Variants in STARD13 observed in about 807,000 individuals in gnomAD.
STARD13 encodes stAR-related lipid transfer protein 13.
STARD13 carries 62 observed loss-of-function variants against 106.4 expected under a neutral mutation model. The ratio of observed to expected loss-of-function variants is 0.58; its 90% CI spans 0.48 to 0.72. The LOEUF (loss-of-function observed/expected upper bound fraction) is 0.72. Ranked by LOEUF, STARD13 falls within the 30% of genes least tolerant of loss-of-function variation. The pLI, the probability that STARD13 is intolerant of heterozygous loss-of-function variation, is 0.00. For missense variants in STARD13, 1,387 were observed against 1,424.0 expected (o/e 0.97, Z 0.42); for synonymous variants, 565 against 553.0 (o/e 1.02, Z -0.31).
At chr13:33,118,039 A>G (rs763971625) in intron 8 of STARD13, 26 bp downstream of exon 8, 15 of 1,611,768 alleles carry the variant, frequency 9.3e-6, no homozygotes, top group Non-Finnish European at 1.2e-5. Context: ...GCCCACGAGA[A>G]CACCAATCTC....
intron 1 of STARD13, chr13:33,272,846 C>T (rs2138365015): frequency 6.6e-6 from 1 of 152,236 alleles, no homozygotes; most frequent in East Asian, 1.9e-4. Context: ...TCATGGGAAA[C>T]CAACAGAAAT....
intron 1 of STARD13, among the ~76,000 whole-genome samples, chr13:33,176,848 A>G (rs1179634262): frequency 2.0e-5 from 3 of 152,236 alleles, no homozygotes; most frequent in Non-Finnish European, 4.4e-5. Flanking sequence ...AAAGGTTAAG[A>G]AAGTTACATC....
At chr13:33,530,195 C>T in the STARD13 span, among the ~76,000 whole-genome samples, 2 of 151,378 alleles carry the variant, frequency 1.3e-5, no homozygotes, top group African/African-American at 2.4e-5. Flanking sequence ...GAGAAGCACA[C>T]AAAACAGATT....
At chr13:33,477,946 G>C in the STARD13 span, among the ~76,000 whole-genome samples, 1 of 150,974 alleles carries the variant, frequency 6.6e-6, no homozygotes, top group Admixed American at 6.6e-5. Flanking sequence ...AAATTTCCAG[G>C]TCACTGCATC....
the STARD13 span, among the ~76,000 whole-genome samples, chr13:33,652,798 A>G: frequency 6.6e-6 from 1 of 152,130 alleles, no homozygotes; most frequent in Non-Finnish European, 1.5e-5. Flanking sequence ...TTTGTAGAGT[A>G]GATTCAATGA....
At chr13:33,641,494 C>A in the STARD13 span, among the ~76,000 whole-genome samples, 1 of 152,064 alleles carries the variant, frequency 6.6e-6, no homozygotes, top group Admixed American at 6.5e-5. Flanking sequence ...TTTCTATGAC[C>A]CACCTTGGGG....
At chr13:33,670,601 T>A in the STARD13 span, among the ~76,000 whole-genome samples, 291 of 152,320 alleles carry the variant, frequency 1.9e-3, 2 homozygotes, top group African/African-American at 6.6e-3. Flanking sequence ...TTTGTTTTGA[T>A]GCTGTCGTCA....
chr13:33,655,443 AC>A, the STARD13 span, among the ~76,000 whole-genome samples: 4 of 152,354 alleles, frequency 2.6e-5, no homozygotes, highest in Middle Eastern at 3.4e-3. Flanking sequence ...ATAAACGGTG[AC>A]TTTGTGGATC....
At chr13:33,361,404 CAGT>C in the STARD13 span, among the ~76,000 whole-genome samples, 5 of 152,256 alleles carry the variant, frequency 3.3e-5, no homozygotes, top group African/African-American at 1.2e-4. Context: ...TCCAAATTAA[CAGT>C]AGGCTATTCG....
the STARD13 span, among the ~76,000 whole-genome samples, chr13:33,618,710 G>A: frequency 6.6e-6 from 1 of 152,006 alleles, no homozygotes; most frequent in Non-Finnish European, 1.5e-5. Context: ...CAGGGGAACT[G>A]AGGTAAGGAA....
the STARD13 span, among the ~76,000 whole-genome samples, chr13:33,438,172 T>C: frequency 2.0e-4 from 30 of 152,360 alleles, no homozygotes; most frequent in Non-Finnish European, 3.2e-4. Context: ...GATATACTTA[T>C]AAAATGAAGA....
At chr13:33,181,484 T>C (rs1035884401) in intron 1 of STARD13, among the ~76,000 whole-genome samples, 2 of 152,210 alleles carry the variant, frequency 1.3e-5, no homozygotes, top group African/African-American at 4.8e-5. Context: ...TCATTTAGTA[T>C]GTTGACTGAA....
chr13:33,311,737 T>G (rs1893144529), intron 1 of STARD13, among the ~76,000 whole-genome samples: 1 of 152,166 alleles, frequency 6.6e-6, no homozygotes, highest in Non-Finnish European at 1.5e-5. Context: ...GATACAGAGA[T>G]GAAAGCACAA....
chr13:33,652,690 AACT>A, the STARD13 span, among the ~76,000 whole-genome samples: 1 of 152,188 alleles, frequency 6.6e-6, no homozygotes, highest in Non-Finnish European at 1.5e-5. Context: ...AATTTCAATG[AACT>A]ACTTAGGAGA....
At chr13:33,564,251 T>G in the STARD13 span, among the ~76,000 whole-genome samples, 33 of 141,220 alleles carry the variant, frequency 2.3e-4, 7 homozygotes, top group African/African-American at 8.8e-4. Flanking sequence ...CAGACATGTA[T>G]CAAAATAAGA....
chr13:33,613,666 G>C, the STARD13 span, among the ~76,000 whole-genome samples: 1 of 152,226 alleles, frequency 6.6e-6, no homozygotes, highest in Non-Finnish European at 1.5e-5. Context: ...CTTGCAGGCT[G>C]TCAAACTCTT....
chr13:33,460,382 T>C, the STARD13 span, among the ~76,000 whole-genome samples: 19 of 151,458 alleles, frequency 1.3e-4, no homozygotes, highest in African/African-American at 4.6e-4. Flanking sequence ...TCCTAGGTAC[T>C]CGGGAGGCTG....
Position 33,276,731 on chromosome 13 carries a change from C to T in STARD13, c.169+8739G>A, listed in dbSNP as rs1466492475. ...GAGAATGCCTACTTCAGCTCGAAATCCTGACATGTAAATTAGGTACTTGGT... is the reference window on the plus strand; with the variant it reads ...GAGAATGCCTACTTCAGCTCGAAATTCTGACATGTAAATTAGGTACTTGGT... On this transcript the variant is annotated intron_variant, in intron 1 of 13. Transcript: ENST00000336934. 2.0e-5 allele frequency: 3 copies of T among 152,158 alleles called. No homozygotes were observed. In the East Asian group the frequency reaches 5.8e-4, roughly 29 times the overall value. 9.4% of individuals were successfully genotyped at this position (152,158 alleles called of 1,614,324 possible). A position where few individuals can be genotyped will look rare whatever the true frequency, so the allele number is the denominator to read the frequency against.
chr13:33,582,383 A>G, the STARD13 span, among the ~76,000 whole-genome samples: 204 of 152,280 alleles, frequency 1.3e-3, 1 homozygote, highest in Admixed American at 3.7e-3. Context: ...TTGGAATCAT[A>G]TGGTCTGTAG....
Sources: gnomAD v4.1 joint callset for allele counts (sites outside exome capture counted in the v4.1 genomes callset) on GRCh38, gnomAD v4.1.1 for gene constraint, MANE v1.5 for transcripts, NCBI Gene and HGNC (gene_info 2026-07-23, HGNC 2026-07-21) for gene names.